Variants in RABGAP1L observed in about 807,000 individuals in gnomAD.
RABGAP1L encodes the protein rab GTPase-activating protein 1-like.
RABGAP1L carries 63 observed loss-of-function variants against 137.7 expected under a neutral mutation model. The ratio of observed to expected loss-of-function variants is 0.46; its 90% CI spans 0.37 to 0.56. RABGAP1L has a LOEUF of 0.56. Ranked by LOEUF, RABGAP1L falls within the 20% of genes least tolerant of loss-of-function variation. The probability of loss-of-function intolerance (pLI) is 0.00; values close to 1 mark genes in which losing one functional copy is unlikely to be tolerated. For synonymous variants in RABGAP1L, 431 were observed against 433.7 expected (o/e 0.99, Z 0.08); for missense variants, 1,095 against 1,244.0 (o/e 0.88, Z 1.80).
At chr1:174,383,531 CG>C (rs1686414083) in intron 12 of RABGAP1L, among the ~76,000 whole-genome samples, 1 of 152,106 alleles carries the variant, frequency 6.6e-6, no homozygotes, top group African/African-American at 2.4e-5. Flanking sequence ...GGGCAATATT[CG>C]GGTGGGAGTG....
At chr1:174,457,115 A>G (rs968007065) in intron 13 of RABGAP1L, among the ~76,000 whole-genome samples, 3 of 152,184 alleles carry the variant, frequency 2.0e-5, no homozygotes, top group African/African-American at 7.2e-5. Flanking sequence ...TATGCAATAC[A>G]TTGTAGCGTT....
At chr1:174,434,948 GC>G (rs1294194625) in intron 13 of RABGAP1L, among the ~76,000 whole-genome samples, 1 of 152,068 alleles carries the variant, frequency 6.6e-6, no homozygotes, top group Non-Finnish European at 1.5e-5. Flanking sequence ...GATGTCTTTT[GC>G]TAAGCAGAAC....
intron 19 of RABGAP1L, among the ~76,000 whole-genome samples, chr1:174,881,919 T>A (rs898476065): frequency 3.3e-5 from 5 of 152,202 alleles, no homozygotes; most frequent in African/African-American, 9.7e-5. Context: ...TGGAGTGCAA[T>A]GGCATGATCT....
chr1:174,492,431 C>A (rs1660344477), intron 13 of RABGAP1L, among the ~76,000 whole-genome samples: 1 of 151,340 alleles, frequency 6.6e-6, no homozygotes, highest in African/African-American at 2.4e-5. Flanking sequence ...TCACTGCAAC[C>A]TCTGCCTCGC....
At chr1:174,507,425 T>C (rs1228795885) in intron 13 of RABGAP1L, among the ~76,000 whole-genome samples, 2 of 152,138 alleles carry the variant, frequency 1.3e-5, no homozygotes, top group Admixed American at 6.5e-5. Context: ...AATAAACATA[T>C]GTTAAAAAAA....
intron 1 of RABGAP1L, among the ~76,000 whole-genome samples, chr1:174,184,162 C>T (rs969991045): frequency 1.4e-4 from 21 of 152,078 alleles, no homozygotes; most frequent in Non-Finnish European, 1.9e-4. Flanking sequence ...CCACCGTGCC[C>T]GGCAGATTGG....
At chr1:174,236,778 A>G (rs1447223368) in intron 4 of RABGAP1L, among the ~76,000 whole-genome samples, 2 of 116,810 alleles carry the variant, frequency 1.7e-5, no homozygotes, top group African/African-American at 3.4e-5. Context: ...GTAGATGTCT[A>G]TTAGGTCTGC....
chr1:174,915,956 T>G (rs2149211330), intron 19 of RABGAP1L, among the ~76,000 whole-genome samples: 1 of 152,266 alleles, frequency 6.6e-6, no homozygotes, highest in African/African-American at 2.4e-5. Flanking sequence ...GATTATGCTT[T>G]TGGTGTCATC....
At chr1:174,309,585 GC>G (rs1395782793) in intron 11 of RABGAP1L, among the ~76,000 whole-genome samples, 1 of 151,988 alleles carries the variant, frequency 6.6e-6, no homozygotes, top group Non-Finnish European at 1.5e-5. Flanking sequence ...TGTGTCAAAT[GC>G]TTCTTCTGTA....
intron 13 of RABGAP1L, among the ~76,000 whole-genome samples, chr1:174,490,074 A>C (rs1413720524): frequency 6.6e-6 from 1 of 152,040 alleles, no homozygotes; most frequent in Non-Finnish European, 1.5e-5. Flanking sequence ...TTTCTCCAAG[A>C]GTGGTCCCTG....
chr1:174,417,215 G>A (rs1157342904), intron 13 of RABGAP1L, among the ~76,000 whole-genome samples: 1 of 152,072 alleles, frequency 6.6e-6, no homozygotes, highest in Non-Finnish European at 1.5e-5. Flanking sequence ...ATTTATTAAT[G>A]GACACATAAT....
chr1:174,312,434 T>G (rs940324290), intron 11 of RABGAP1L, among the ~76,000 whole-genome samples: 1 of 152,236 alleles, frequency 6.6e-6, no homozygotes, highest in East Asian at 1.9e-4. Context: ...GCCCGTGTGT[T>G]AATCAGATTA....
rs187592673 is a variant in RABGAP1L at position 174,925,458 on chromosome 1, A to G, written c.2341-31999A>G. Among the ~76,000 whole-genome samples, 19 of 151,964 alleles carry G rather than the reference A, an allele frequency of 1.3e-4. No individual in the cohort carries two copies. The East Asian group carries it at 3.1e-3, about 25-fold the overall frequency. ...ATGTCTGGTGTACCGGAGGAACCACAAGGAGGCTAGAGCATGATGAGATAA... is the reference window on the plus strand; with the variant it reads ...ATGTCTGGTGTACCGGAGGAACCACGAGGAGGCTAGAGCATGATGAGATAA... On this transcript the variant is annotated intron_variant, in intron 19 of 25. Coordinates refer to ENST00000681986, the MANE Select transcript of RABGAP1L (RefSeq NM_001366446.1).
chr1:174,396,743 T>A (rs1250664428), intron 13 of RABGAP1L, among the ~76,000 whole-genome samples: 1 of 152,142 alleles, frequency 6.6e-6, no homozygotes, highest in Non-Finnish European at 1.5e-5. Context: ...TATTTATGAA[T>A]TCTTGATAAA....
At chr1:174,703,507 A>C (rs552237698) in intron 17 of RABGAP1L, among the ~76,000 whole-genome samples, 2 of 152,244 alleles carry the variant, frequency 1.3e-5, no homozygotes, top group African/African-American at 4.8e-5. Flanking sequence ...CTTAACGCTG[A>C]TTTTGCATCT....
In RABGAP1L at chr1:174,327,024, A is replaced by G. The variant is rs114420045; in HGVS notation, c.1465+21897A>G. On this transcript the variant is annotated intron_variant, in intron 11 of 25. Transcript: ENST00000681986. ...GCATTCTCAAACAAAAGCTGAGGGA[A>G]TTCCCTGTAACCAGATCTGCCTTGC... is the stretch of plus-strand genomic sequence containing the variant. Among the ~76,000 whole-genome samples the G allele has an allele frequency of 9.3e-3, 1,416 of 152,316 alleles. 27 individuals are homozygous for G. Among genetic ancestry groups the G allele is most frequent in the African/African-American group, 0.033 (1,363 of 41,574 alleles).
At chr1:174,911,698 C>T (rs1660081291) in intron 19 of RABGAP1L, among the ~76,000 whole-genome samples, 1 of 152,228 alleles carries the variant, frequency 6.6e-6, no homozygotes, top group Non-Finnish European at 1.5e-5. Context: ...AGCTGCTGAA[C>T]ATAGAGACAC....
At position 174,307,649 on chromosome 1, in the gene RABGAP1L, G is replaced by A. The variant is rs76554386; in HGVS notation, c.1465+2522G>A. 1.3e-3 allele frequency among the ~76,000 whole-genome samples: 192 copies of A among 152,212 alleles called. 1 individual carries two copies. The highest frequency in any genetic ancestry group is 4.4e-3 in the African/African-American group (184 of 41,552). On this transcript the variant is annotated intron_variant, in intron 11 of 25. Coordinates refer to ENST00000681986, the MANE Select transcript of RABGAP1L (RefSeq NM_001366446.1). ...TTGATACATGATATAGCAGGTGTCAGTATTTCATTCCATTTTATGACTGAA... is the reference window on the plus strand; with the variant it reads ...TTGATACATGATATAGCAGGTGTCAATATTTCATTCCATTTTATGACTGAA...
intron 13 of RABGAP1L, among the ~76,000 whole-genome samples, chr1:174,578,911 C>A (rs1459907431): frequency 2.6e-5 from 4 of 151,954 alleles, no homozygotes; most frequent in Non-Finnish European, 5.9e-5. Context: ...CTTATTATTT[C>A]TTTGAAATTG....
Sources: gnomAD v4.1 joint callset for allele counts (sites outside exome capture counted in the v4.1 genomes callset) on GRCh38, gnomAD v4.1.1 for gene constraint, MANE v1.5 for transcripts, NCBI Gene and HGNC (gene_info 2026-07-23, HGNC 2026-07-21) for gene names.